PCED1B: variants seen among roughly 807,000 people sequenced by gnomAD.
The protein encoded by PCED1B is PC-esterase domain-containing protein 1B.
For synonymous variants in PCED1B, 251 were observed against 246.1 expected (o/e 1.02, Z -0.19); for missense variants, 573 against 573.9 (o/e 1.00, Z 0.02).
At chr12:47,186,984 C>A (rs576628975) in intron 2 of PCED1B, among the ~76,000 whole-genome samples, 17 of 152,234 alleles carry the variant, frequency 1.1e-4, no homozygotes, top group African/African-American at 4.1e-4. Context: ...AGTCGGGGAC[C>A]ACTCTCCTTG....
chr12:47,223,296 C>T (rs557509786), intron 3 of PCED1B, among the ~76,000 whole-genome samples: 2 of 152,136 alleles, frequency 1.3e-5, no homozygotes, highest in East Asian at 3.9e-4. Flanking sequence ...AAAAAGTGGC[C>T]ACTGAAAGGA....
chr12:47,088,042 A>G (rs550978947), intron 1 of PCED1B, among the ~76,000 whole-genome samples: 1 of 152,324 alleles, frequency 6.6e-6, no homozygotes, highest in African/African-American at 2.4e-5. Context: ...AACCTTTTGG[A>G]TTCTCAGCTT....
chr12:47,141,612 C>T (rs1199381079), intron 2 of PCED1B, among the ~76,000 whole-genome samples: 1 of 152,156 alleles, frequency 6.6e-6, no homozygotes, highest in East Asian at 1.9e-4. Context: ...CCTGCTCACA[C>T]AGGAACCTGC....
intron 2 of PCED1B, among the ~76,000 whole-genome samples, chr12:47,127,920 T>A (rs1043477041): frequency 5.3e-5 from 8 of 152,168 alleles, no homozygotes; most frequent in Non-Finnish European, 1.0e-4. Flanking sequence ...TCTATATGTT[T>A]CAACTGTTGA....
At chr12:47,129,995 G>A (rs1940056535) in intron 2 of PCED1B, among the ~76,000 whole-genome samples, 1 of 152,206 alleles carries the variant, frequency 6.6e-6, no homozygotes, top group African/African-American at 2.4e-5. Flanking sequence ...TAGTAGGTAA[G>A]ACTCTGACTT....
intron 2 of PCED1B, among the ~76,000 whole-genome samples, chr12:47,145,093 C>T (rs1212376865): frequency 1.3e-5 from 2 of 152,148 alleles, no homozygotes. Context: ...AGTGAACATA[C>T]AAACGATAAG....
intron 2 of PCED1B, among the ~76,000 whole-genome samples, chr12:47,142,042 C>T (rs1427924616): frequency 6.6e-6 from 1 of 152,094 alleles, no homozygotes; most frequent in East Asian, 1.9e-4. Context: ...CCTCAGGGAA[C>T]TACACCCATC....
chr12:47,079,776 C>G (rs1378709165), intron 1 of PCED1B, 51 bp downstream of exon 1: 3 of 150,292 alleles, frequency 2.0e-5, no homozygotes, highest in Non-Finnish European at 4.4e-5. Context: ...GGGCGCCCCG[C>G]TCCCAGAGCC....
At chr12:47,184,950 A>G (rs1525453) in intron 2 of PCED1B, among the ~76,000 whole-genome samples, 89,981 of 152,018 alleles carry the variant, frequency 0.59, 27,355 homozygotes, top group South Asian at 0.7. Flanking sequence ...CAAGAGGTCT[A>G]GAGGTGAGTG....
chr12:47,197,772 C>T (rs1357207254), intron 2 of PCED1B, among the ~76,000 whole-genome samples: 1 of 151,856 alleles, frequency 6.6e-6, no homozygotes, highest in Admixed American at 6.5e-5. Context: ...CAACTCTATG[C>T]CCACAAATAT....
intron 1 of PCED1B, among the ~76,000 whole-genome samples, chr12:47,094,764 C>T (rs1007507704): frequency 3.9e-5 from 6 of 152,026 alleles, no homozygotes; most frequent in African/African-American, 4.8e-5. Context: ...ATACTACAAA[C>T]GACGTTATAA....
intron 2 of PCED1B, among the ~76,000 whole-genome samples, chr12:47,122,083 A>G (rs1281111022): frequency 6.6e-6 from 1 of 151,624 alleles, no homozygotes; most frequent in Admixed American, 6.6e-5. Context: ...TAAAATGGGT[A>G]TAATTATAGT....
chr12:47,167,385 A>T (rs531296369), intron 2 of PCED1B, among the ~76,000 whole-genome samples: 3 of 152,016 alleles, frequency 2.0e-5, no homozygotes, highest in Non-Finnish European at 4.4e-5. Context: ...TGAAGTGGGA[A>T]CTGAAAAGGG....
intron 2 of PCED1B, among the ~76,000 whole-genome samples, chr12:47,211,237 T>C (rs1029508478): frequency 6.6e-6 from 1 of 152,158 alleles, no homozygotes; most frequent in Non-Finnish European, 1.5e-5. Context: ...CAACCTCATA[T>C]CTCAGGTGCT....
intron 1 of PCED1B, among the ~76,000 whole-genome samples, chr12:47,082,820 A>T (rs1043631314): frequency 2.0e-5 from 3 of 152,022 alleles, no homozygotes. Context: ...GGTGGTTCCA[A>T]CCTGGAATGG....
intron 1 of PCED1B, among the ~76,000 whole-genome samples, chr12:47,085,463 AT>A (rs2137146551): frequency 6.6e-6 from 1 of 152,306 alleles, no homozygotes; most frequent in South Asian, 2.1e-4. Flanking sequence ...TAAGTATTCT[AT>A]TGTGATGGGT....
At chr12:47,139,828 C>G (rs1940524956) in intron 2 of PCED1B, among the ~76,000 whole-genome samples, 2 of 151,904 alleles carry the variant, frequency 1.3e-5, no homozygotes, top group African/African-American at 4.8e-5. Flanking sequence ...GCGTATTTTT[C>G]TGTGCTTGGT....
intron 2 of PCED1B, among the ~76,000 whole-genome samples, chr12:47,160,391 T>A (rs1175724375): frequency 7.0e-6 from 1 of 142,072 alleles, no homozygotes; most frequent in East Asian, 2.3e-4. Flanking sequence ...CCTCGAACAC[T>A]TGGCCTCAAG....
intron 2 of PCED1B, among the ~76,000 whole-genome samples, chr12:47,129,403 C>T (rs937576431): frequency 2.6e-5 from 4 of 152,076 alleles, no homozygotes; most frequent in African/African-American, 7.2e-5. Context: ...GTAGGAGGAT[C>T]GCTTGAGCTC....
Sources: gnomAD v4.1 joint callset for allele counts (sites outside exome capture counted in the v4.1 genomes callset) on GRCh38, gnomAD v4.1.1 for gene constraint, MANE v1.5 for transcripts, NCBI Gene and HGNC (gene_info 2026-07-23, HGNC 2026-07-21) for gene names.